Variants in KDM3A observed in about 807,000 individuals in gnomAD.
KDM3A encodes lysine-specific demethylase 3A.
In KDM3A, 60 loss-of-function variants were observed where a neutral mutation model predicts 158.0. The ratio of observed to expected loss-of-function variants is 0.38; its 90% confidence interval spans 0.31 to 0.47. The LOEUF (loss-of-function observed/expected upper bound fraction) is 0.47, where lower values mean the gene tolerates loss of function less well. Ranked by LOEUF, KDM3A falls within the 20% of genes least tolerant of loss-of-function variation. The probability of loss-of-function intolerance (pLI) is 0.99; values close to 1 mark genes in which losing one functional copy is unlikely to be tolerated. For synonymous variants in KDM3A, 608 were observed against 549.3 expected (o/e 1.11, Z -1.49); for missense variants, 1,319 against 1,574.3 (o/e 0.84, Z 2.74).
chr2:86,474,856 T>C lies in KDM3A; in HGVS notation c.1805T>C (p.Leu602Ser). 3 of 1,613,992 alleles carry C rather than the reference T, an allele frequency of 1.9e-6. No individual in the cohort carries two copies. Among genetic ancestry groups the C allele is most frequent in the Non-Finnish European group, 2.5e-6 (3 of 1,179,994 alleles). Residue 602 changes from leucine (L) to serine (S), a missense_variant, in exon 12 of 26, where the codon TTG (leucine) becomes TCG (serine). Physicochemically the swap from Leu to Ser is moderately radical, Grantham distance 145 (BLOSUM62 -2). This residue lies in a region of KDM3A where 113 missense variants were observed against 190.5 expected (regional missense o/e 0.59). Coordinates refer to ENST00000312912, the MANE Select transcript of KDM3A (RefSeq NM_018433.6). The part of the protein sequence containing the change: ...PNKYDNEAIG[L>S]WLPLTKNVVG... The stretch of plus-strand genomic sequence containing the variant: ...AAGTATGACAATGAAGCAATTGGCT[T>C]GTGGTTACCTTTAACCAAAAACGTT...
At chr2:86,456,608 CATG>C in intron 6 of KDM3A, 42 bp downstream of exon 6, 1 of 1,560,848 alleles carries the variant, frequency 6.4e-7, no homozygotes, top group Non-Finnish European at 8.8e-7. Context: ...CTCGACAAAG[CATG>C]ATAACTATAC....
intron 3 of KDM3A, among the ~76,000 whole-genome samples, chr2:86,450,885 A>G (rs976030119): frequency 1.3e-5 from 2 of 152,216 alleles, no homozygotes; most frequent in African/African-American, 2.4e-5. Context: ...AGTCTTGAAT[A>G]TTAATAACTC....
At chr2:86,473,783 TTAAAAC>T (rs1427599190) in intron 11 of KDM3A, among the ~76,000 whole-genome samples, 9 of 152,112 alleles carry the variant, frequency 5.9e-5, no homozygotes, top group African/African-American at 1.4e-4. Flanking sequence ...TTTCAAAAAT[TTAAAAC>T]TAATACATAG....
intron 17 of KDM3A, 72 bp from the exon 18 acceptor site, chr2:86,482,386 C>T: frequency 1.3e-6 from 2 of 1,573,166 alleles, no homozygotes; most frequent in East Asian, 2.2e-5. Flanking sequence ...AATCTATACT[C>T]ATTATGGGAA....
At chr2:86,441,839 G>C (rs1221655679) in intron 1 of KDM3A, among the ~76,000 whole-genome samples, 179 bp from the exon 2 acceptor site, 1 of 149,436 alleles carries the variant, frequency 6.7e-6, no homozygotes, top group Admixed American at 6.6e-5. Context: ...TGGGGCCCGG[G>C]TGTGTGGCGG....
chr2:86,439,630 A>C (rs143393761), upstream of KDM3A, among the ~76,000 whole-genome samples: 555 of 152,128 alleles, frequency 3.6e-3, 5 homozygotes, highest in African/African-American at 0.013. Flanking sequence ...ATCTTCCCTT[A>C]TATTTTACAT....
chr2:86,478,802 C>G (rs954088501), intron 15 of KDM3A, 67 bp downstream of exon 15: 1 of 1,510,712 alleles, frequency 6.6e-7, no homozygotes, highest in East Asian at 2.3e-5. Context: ...TCAAATAACC[C>G]AAGGATTTCT....
At chr2:86,473,681 G>T (rs544597697) in intron 11 of KDM3A, among the ~76,000 whole-genome samples, 3 of 152,140 alleles carry the variant, frequency 2.0e-5, no homozygotes, top group Non-Finnish European at 4.4e-5. Context: ...GTCTGGGAGT[G>T]GGGGTTGCCA....
chr2:86,482,123 A>G, intron 17 of KDM3A, 21 bp downstream of exon 17: 1 of 1,607,330 alleles, frequency 6.2e-7, no homozygotes, highest in African/African-American at 1.3e-5. Flanking sequence ...GTTTGTTGGT[A>G]TTCCATGTTT....
Position 86,474,787 on chromosome 2 carries a change from A to G in KDM3A, c.1736A>G (p.Asn579Ser), listed in dbSNP as rs556667148. Reference protein sequence around the residue: ...RFFHFRRLQFNKHGVLRVEGF... With the variant: ...RFFHFRRLQFSKHGVLRVEGF... Reference sequence around the variant, plus strand: ...CCTGCTTCCCCTAGGTTACAATTCAACAAACATGGTGTGTTGCGGGTAGAA... The same window carrying G: ...CCTGCTTCCCCTAGGTTACAATTCAGCAAACATGGTGTGTTGCGGGTAGAA... Residue 579 changes from asparagine to serine, a missense_variant, in exon 12 of 26, where the codon AAC becomes AGC. Transcript: ENST00000312912. 14 of 1,612,404 alleles carry G rather than the reference A, an allele frequency of 8.7e-6. No individual in the cohort carries two copies. In the East Asian group the frequency reaches 2.7e-4, roughly 31 times the overall value.
chr2:86,482,381 A>C, intron 17 of KDM3A, 77 bp from the exon 18 acceptor site: 5 of 1,565,830 alleles, frequency 3.2e-6, no homozygotes, highest in Non-Finnish European at 4.3e-6. Context: ...TATGTAATCT[A>C]TACTCATTAT....
intron 4 of KDM3A, among the ~76,000 whole-genome samples, chr2:86,454,383 T>A (rs981291457): frequency 1.3e-4 from 20 of 152,112 alleles, no homozygotes; most frequent in Non-Finnish European, 2.8e-4. Flanking sequence ...CAGCCATGGG[T>A]TTACTAATGG....
rs781060279 is a variant in KDM3A, at chr2:86,470,431, C to A, written c.1724+23C>A. ...GAGGTGAGGCATTTTGGGAAAAGTT[C>A]AGATAATCTGGGCATACTTGTTATG... On this transcript the variant is annotated intron_variant, in intron 11 of 25. Transcript: ENST00000312912. The A allele has an allele frequency of 4.3e-5, 69 of 1,600,914 alleles. No individual in the cohort carries two copies. The South Asian group carries it at 6.7e-4, about 16-fold the overall frequency.
intron 2 of KDM3A, among the ~76,000 whole-genome samples, chr2:86,447,159 C>T (rs1410522137): frequency 6.6e-6 from 1 of 152,152 alleles, no homozygotes; most frequent in Non-Finnish European, 1.5e-5. Flanking sequence ...TTGAAGAAAG[C>T]TCACAACTTG....
At chr2:86,467,981 G>A (rs1194742248) in intron 10 of KDM3A, among the ~76,000 whole-genome samples, 1 of 152,064 alleles carries the variant, frequency 6.6e-6, no homozygotes, top group Non-Finnish European at 1.5e-5. Context: ...AGTTATGATT[G>A]TACCACTGTA....
At position 86,466,628 on chromosome 2, in the gene KDM3A, G is replaced by T. The variant is rs371235991; in HGVS notation, c.1264G>T (p.Ala422Ser). The change falls in exon 10 of 26, where the codon GCT becomes TCT. Residue 422 changes from alanine to serine, a missense_variant. By Grantham distance (99) the Ala-to-Ser change is moderately conservative. Transcript: ENST00000312912. ...GLPKECLPTK[A>S]SSKAELEIAN... The stretch of plus-strand genomic sequence containing the variant: ...TCCTAAGGAGTGCTTACCTACAAAG[G>T]CTTCTTCTAAGGCAGAATTGGAAAT... 12 of 1,613,832 alleles carry T rather than the reference G, an allele frequency of 7.4e-6. No homozygotes were observed. The African/African-American group carries it at 1.3e-4, about 18-fold the overall frequency.
chr2:86,481,065 A>G (rs1057436430), intron 16 of KDM3A, among the ~76,000 whole-genome samples: 1 of 152,234 alleles, frequency 6.6e-6, no homozygotes. Context: ...ATGAAGATAC[A>G]GTCTGACATT....
At position 86,456,694 on chromosome 2, in the gene KDM3A, A is replaced by AAT. The variant is rs1672714507; in HGVS notation, c.682-110_682-109insTA. ...GGGTAGAAATAATTACAGTTGTTTTAAAAAGAAATTATTCATAAGAAGCTC... is the reference window on the plus strand; with the variant it reads ...GGGTAGAAATAATTACAGTTGTTTTAATAAAAGAAATTATTCATAAGAAGCTC... On this transcript the variant is annotated intron_variant, in intron 6 of 25. Transcript: ENST00000312912. 16 of 1,285,674 alleles carry AAT rather than the reference A, an allele frequency of 1.2e-5. No individual in the cohort carries two copies. In the South Asian group the frequency reaches 2.1e-4, roughly 17 times the overall value. The allele number at this position is 1,285,674 out of a possible 1,614,324, so 79.6% of individuals were successfully genotyped here.
intron 3 of KDM3A, 114 bp downstream of exon 3, chr2:86,450,076 C>A: frequency 8.8e-7 from 1 of 1,133,872 alleles, no homozygotes. Context: ...CCCAGGATCT[C>A]CTGCCAGCCC....
Sources: gnomAD v4.1 joint callset for allele counts (sites outside exome capture counted in the v4.1 genomes callset) on GRCh38, gnomAD v4.1.1 for gene constraint, gnomAD v4.1.1 regional missense constraint, MANE v1.5 for transcripts, NCBI Gene and HGNC (gene_info 2026-07-23, HGNC 2026-07-21) for gene names.